CDH13: variants seen among roughly 807,000 people sequenced by gnomAD.
CDH13 encodes cadherin 13, also known as cadherin-13.
In CDH13, 24 loss-of-function variants were observed where a neutral mutation model predicts 63.8. The observed-to-expected ratio is 0.38, with a 90% CI of 0.27 to 0.53. The LOEUF is 0.53. Ranked by LOEUF, CDH13 falls within the 20% of genes least tolerant of loss-of-function variation. The pLI, the probability that CDH13 is intolerant of heterozygous loss-of-function variation, is 0.85. For synonymous variants in CDH13, 503 were observed against 355.3 expected, an observed-to-expected ratio of 1.42 and a Z score of -4.67; for missense variants, 1,049 against 903.1, an observed-to-expected ratio of 1.16 and a Z score of -2.07.
At chr16:83,385,147 C>T (rs2091647722) in intron 6 of CDH13, among the ~76,000 whole-genome samples, 1 of 152,172 alleles carries the variant, frequency 6.6e-6, no homozygotes, top group African/African-American at 2.4e-5. Flanking sequence ...ACATTTCATC[C>T]TATAAAAGTA....
intron 10 of CDH13, among the ~76,000 whole-genome samples, chr16:83,730,564 G>A (rs986276666): frequency 4.6e-5 from 7 of 152,138 alleles, no homozygotes; most frequent in Admixed American, 6.5e-5. Flanking sequence ...TAAAATATAC[G>A]GTGGTATTCT....
At chr16:82,995,910 C>G (rs1328361585) in intron 2 of CDH13, among the ~76,000 whole-genome samples, 1 of 152,172 alleles carries the variant, frequency 6.6e-6, no homozygotes, top group Admixed American at 6.5e-5. Context: ...TTACATTTTA[C>G]ACAGTGGCAA....
intron 2 of CDH13, among the ~76,000 whole-genome samples, chr16:82,988,595 C>T (rs1351293883): frequency 7.2e-5 from 11 of 151,934 alleles, no homozygotes; most frequent in Admixed American, 2.6e-4. Flanking sequence ...AACCCCGTCT[C>T]TACAAAAATA....
chr16:82,627,756 G>T (rs996162531), intron 1 of CDH13, among the ~76,000 whole-genome samples: 1 of 152,170 alleles, frequency 6.6e-6, no homozygotes, highest in Admixed American at 6.5e-5. Context: ...CACCCGCATC[G>T]GGGTCCTTTT....
At chr16:82,846,539 G>C (rs2151143270) in intron 1 of CDH13, among the ~76,000 whole-genome samples, 1 of 152,300 alleles carries the variant, frequency 6.6e-6, no homozygotes, top group South Asian at 2.1e-4. Context: ...GAGAATTTAA[G>C]TAACTTGCTC....
rs573088098 is a variant in CDH13, at chr16:82,637,428, C to CTTTT, written c.45+10308_45+10311dup. Among the ~76,000 whole-genome samples, 309 of 81,634 alleles carry CTTTT rather than the reference C, an allele frequency of 3.8e-3. 54 individuals are homozygous for CTTTT. The highest frequency in any genetic ancestry group is 0.012 in the African/African-American group (237 of 19,238). The allele number at this position is 81,634 out of a possible 152,430, so 53.6% of individuals were successfully genotyped here. A position where few individuals can be genotyped will look rare whatever the true frequency, so the allele number is the denominator to read the frequency against. ...GCTGAGGTCTGTACAGTTACTGTGC[C>CTTTT]TTTTTTTTTTTTTTTTTTTTGAGAC... is the stretch of plus-strand genomic sequence containing the variant. On this transcript the variant is annotated intron_variant, in intron 1 of 13. Coordinates refer to ENST00000567109, the MANE Select transcript of CDH13 (RefSeq NM_001257.5).
chr16:83,624,022 G>T (rs1455992241), intron 8 of CDH13, among the ~76,000 whole-genome samples: 1 of 152,166 alleles, frequency 6.6e-6, no homozygotes, highest in Non-Finnish European at 1.5e-5. Flanking sequence ...CATCACTGGG[G>T]GAGGTTCCGG....
At chr16:83,478,407 C>T (rs2073669001) in intron 6 of CDH13, among the ~76,000 whole-genome samples, 1 of 152,142 alleles carries the variant, frequency 6.6e-6, no homozygotes, top group Admixed American at 6.5e-5. Context: ...CAGAGAGTCC[C>T]ACCTTTGAGG....
intron 2 of CDH13, among the ~76,000 whole-genome samples, chr16:82,989,725 G>A (rs146718086): frequency 3.9e-5 from 6 of 152,284 alleles, no homozygotes; most frequent in African/African-American, 7.2e-5. Context: ...GCTGGCTCTC[G>A]TAGCTTAACC....
intron 6 of CDH13, among the ~76,000 whole-genome samples, chr16:83,350,655 G>C (rs1238146292): frequency 6.6e-6 from 1 of 152,210 alleles, no homozygotes; most frequent in Admixed American, 6.5e-5. Context: ...GGTGCTGCTT[G>C]TTCCCTCCTG....
At chr16:83,558,774 G>A (rs547963500) in intron 7 of CDH13, among the ~76,000 whole-genome samples, 50 of 152,216 alleles carry the variant, frequency 3.3e-4, no homozygotes, top group Non-Finnish European at 5.7e-4. Flanking sequence ...GAATTAATGA[G>A]AGCAACAGAG....
intron 3 of CDH13, among the ~76,000 whole-genome samples, chr16:83,101,178 C>G (rs1295055732): frequency 2.0e-5 from 3 of 151,010 alleles, no homozygotes; most frequent in Non-Finnish European, 2.9e-5. Context: ...TATCATTTGT[C>G]TCTTCTTAAT....
chr16:82,960,219 G>A lies in CDH13; in HGVS notation c.158-71791G>A, dbSNP rs190876234. Among the ~76,000 whole-genome samples, 284 of 152,272 alleles carry A rather than the reference G, an allele frequency of 1.9e-3. 1 individual carries two copies. Among genetic ancestry groups the A allele is most frequent in the African/African-American group, 6.1e-3 (255 of 41,544 alleles). On this transcript the variant is annotated intron_variant, in intron 2 of 13. Transcript: ENST00000567109. ...TGGGTGGGTGTGGCTGAGATGATGA[G>A]AAGCAGTAGGATAAGGGACATATAT...
intron 10 of CDH13, among the ~76,000 whole-genome samples, chr16:83,709,206 C>G (rs1230597530): frequency 6.6e-6 from 1 of 152,108 alleles, no homozygotes; most frequent in East Asian, 1.9e-4. Context: ...AAATTCTGCC[C>G]TGAAGATTCT....
chr16:83,621,069 C>T (rs557901774), intron 8 of CDH13, among the ~76,000 whole-genome samples: 1 of 152,276 alleles, frequency 6.6e-6, no homozygotes, highest in Non-Finnish European at 1.5e-5. Context: ...AGACAGGTAC[C>T]ATGATCGTAA....
intron 1 of CDH13, among the ~76,000 whole-genome samples, chr16:82,679,365 G>C (rs9922878): frequency 0.022 from 3,399 of 152,284 alleles, 119 homozygotes; most frequent in African/African-American, 0.074. Flanking sequence ...GAGCAGGGTA[G>C]CAGGGAGCAA....
At chr16:83,346,786 A>T (rs562528945) in intron 6 of CDH13, among the ~76,000 whole-genome samples, 73 of 152,230 alleles carry the variant, frequency 4.8e-4, no homozygotes, top group African/African-American at 1.8e-3. Flanking sequence ...TGTATTTTTT[A>T]TGTATGTTTT....
intron 7 of CDH13, among the ~76,000 whole-genome samples, chr16:83,591,939 T>A (rs1263986249): frequency 6.6e-6 from 1 of 152,208 alleles, no homozygotes; most frequent in Non-Finnish European, 1.5e-5. Flanking sequence ...TCCATATAAT[T>A]TGACTTTCAG....
At chr16:83,624,238 C>G (rs1951012138) in intron 8 of CDH13, among the ~76,000 whole-genome samples, 1 of 152,128 alleles carries the variant, frequency 6.6e-6, no homozygotes, top group African/African-American at 2.4e-5. Flanking sequence ...CATCCTCTCT[C>G]CCAGATCCAA....
Sources: gnomAD v4.1 joint callset for allele counts (sites outside exome capture counted in the v4.1 genomes callset) on GRCh38, gnomAD v4.1.1 for gene constraint, MANE v1.5 for transcripts, NCBI Gene and HGNC (gene_info 2026-07-23, HGNC 2026-07-21) for gene names.